NOVA1: variants seen among roughly 807,000 people sequenced by gnomAD.
NOVA1 encodes the protein NOVA alternative splicing regulator 1, also known as RNA-binding protein Nova-1.
Under a neutral mutation model 38.0 loss-of-function variants are expected in NOVA1, and 7 were observed. The ratio of observed to expected loss-of-function variants is 0.18; its 90% CI spans 0.10 to 0.35. The LOEUF (loss-of-function observed/expected upper bound fraction) is 0.35, where lower values mean the gene tolerates loss of function less well. Ranked by LOEUF, NOVA1 falls within the 10% of genes least tolerant of loss-of-function variation. NOVA1 has a pLI of 1.00. For synonymous variants in NOVA1, 270 were observed against 232.5 expected (o/e 1.16, Z -1.47); for missense variants, 460 against 616.0 (o/e 0.75, Z 2.68).
At chr14:26,574,474 CTT>C (rs1424444753) in intron 2 of NOVA1, among the ~76,000 whole-genome samples, 1 of 151,996 alleles carries the variant, frequency 6.6e-6, no homozygotes, top group African/African-American at 2.4e-5. Flanking sequence ...TTTAAAATAA[CTT>C]AATTCTGTTA....
At chr14:26,461,607 G>T (rs1222422919) in intron 4 of NOVA1, among the ~76,000 whole-genome samples, 2 of 151,750 alleles carry the variant, frequency 1.3e-5, no homozygotes, top group Admixed American at 6.6e-5. Context: ...ATAATTTTTG[G>T]CAAGAATATT....
intron 2 of NOVA1, among the ~76,000 whole-genome samples, chr14:26,504,025 C>T (rs954437904): frequency 6.6e-6 from 1 of 152,068 alleles, no homozygotes; most frequent in Non-Finnish European, 1.5e-5. Flanking sequence ...CAAAATATGA[C>T]ATTGTAAAAC....
At chr14:26,549,866 A>G (rs562832631) in intron 2 of NOVA1, 1 of 499,200 alleles carries the variant, frequency 2.0e-6, no homozygotes, top group South Asian at 1.6e-5. Flanking sequence ...TGACTCCTGT[A>G]CATACATACA....
At chr14:26,500,812 C>T (rs1224929667) in intron 2 of NOVA1, among the ~76,000 whole-genome samples, 1 of 151,770 alleles carries the variant, frequency 6.6e-6, no homozygotes, top group East Asian at 1.9e-4. Context: ...AGTATTAAAG[C>T]TCCCAAATAT....
At chr14:26,486,819 T>C (rs1280329213) in intron 2 of NOVA1, among the ~76,000 whole-genome samples, 8 of 151,928 alleles carry the variant, frequency 5.3e-5, no homozygotes, top group Admixed American at 5.2e-4. Context: ...ATTTCATTTT[T>C]CTTTATTTCC....
At chr14:26,533,395 A>C (rs1315261953) in intron 2 of NOVA1, among the ~76,000 whole-genome samples, 5 of 152,192 alleles carry the variant, frequency 3.3e-5, no homozygotes, top group African/African-American at 7.2e-5. Context: ...CCATCAGAAT[A>C]ATCTTTTAAA....
chr14:26,508,052 T>G (rs962015902), intron 2 of NOVA1, among the ~76,000 whole-genome samples: 3 of 152,068 alleles, frequency 2.0e-5, no homozygotes, highest in African/African-American at 2.4e-5. Flanking sequence ...AAAGAAACCA[T>G]GTATTATATT....
rs115103670 is a variant in NOVA1, at chr14:26,551,959, G to C, written c.280+43451C>G. On this transcript the variant is annotated intron_variant, in intron 2 of 4. Coordinates refer to ENST00000539517, the MANE Select transcript of NOVA1 (RefSeq NM_002515.3). ...AGTGTATGCTCCTCAAGACTGTGGT[G>C]ACTTAAATACTCATTTATAAAATGA... Among the ~76,000 whole-genome samples, 574 of 152,034 alleles carry C rather than the reference G, an allele frequency of 3.8e-3. 4 individuals carry two copies. The highest frequency in any genetic ancestry group is 0.013 in the African/African-American group (550 of 41,514).
At chr14:26,514,783 T>C (rs1888339635) in intron 2 of NOVA1, among the ~76,000 whole-genome samples, 1 of 151,176 alleles carries the variant, frequency 6.6e-6, no homozygotes, top group Non-Finnish European at 1.5e-5. Flanking sequence ...TGAAAATGTA[T>C]TCCTTTAATT....
Position 26,597,706 on chromosome 14 carries a change from GAAAGAA to G in NOVA1, c.-276_-271del. 8.9e-7 allele frequency: 1 copy of G among 1,122,870 alleles called. No individual in the cohort carries two copies. The highest frequency in any genetic ancestry group is 4.5e-5 in the South Asian group (1 of 22,344). The allele number at this position is 1,122,870 out of a possible 1,614,324, so 69.6% of individuals were successfully genotyped here. A position where few individuals can be genotyped will look rare whatever the true frequency, so the allele number is the denominator to read the frequency against. On this transcript the variant is annotated 5_prime_UTR_variant, in exon 1 of 5. Transcript: ENST00000539517. ...GGAGGGGGTGTGAGAGACGGAGGGTGAAAGAAGAAGAAGAAAGGAGACAGGGGGAGA... is the reference window on the plus strand; with the variant it reads ...GGAGGGGGTGTGAGAGACGGAGGGTGGAAGAAGAAAGGAGACAGGGGGAGA...
At chr14:26,593,270 AG>A (rs1270411589) in intron 2 of NOVA1, 1 of 151,860 alleles carries the variant, frequency 6.6e-6, no homozygotes, top group African/African-American at 2.4e-5. Flanking sequence ...AAAAGCGCTC[AG>A]AGGCTATGTT....
chr14:26,460,460 T>G (rs1032629305), intron 4 of NOVA1, among the ~76,000 whole-genome samples: 16 of 152,136 alleles, frequency 1.1e-4, no homozygotes, highest in East Asian at 3.9e-4. Context: ...TTTAAACTTC[T>G]GTTACTTGGC....
chr14:26,477,970 T>G (rs1054732627), intron 3 of NOVA1, among the ~76,000 whole-genome samples: 1 of 152,032 alleles, frequency 6.6e-6, no homozygotes, highest in Admixed American at 6.6e-5. Flanking sequence ...TCCTTTTAAA[T>G]GATACACTGT....
At chr14:26,493,544 C>T (rs899225485) in intron 2 of NOVA1, among the ~76,000 whole-genome samples, 1 of 152,136 alleles carries the variant, frequency 6.6e-6, no homozygotes, top group African/African-American at 2.4e-5. Context: ...CAGGTATATT[C>T]ATGCACTATC....
intron 2 of NOVA1, among the ~76,000 whole-genome samples, chr14:26,496,448 G>C (rs1267930245): frequency 6.6e-6 from 1 of 152,060 alleles, no homozygotes; most frequent in African/African-American, 2.4e-5. Context: ...TAGGTTGCCT[G>C]TTCACTCTGA....
intron 2 of NOVA1, chr14:26,594,182 T>TA (rs1321675591): frequency 6.6e-6 from 1 of 152,008 alleles, no homozygotes; most frequent in Non-Finnish European, 1.5e-5. Flanking sequence ...ACATCGTGTC[T>TA]AATATATTAC....
intron 2 of NOVA1, among the ~76,000 whole-genome samples, chr14:26,503,628 T>A (rs405797): frequency 0.63 from 96,029 of 151,814 alleles, 32,934 homozygotes; most frequent in Non-Finnish European, 0.75. Context: ...TCATTTTTTT[T>A]TAAAAATTAA....
At position 26,444,025 on chromosome 14, in the gene NOVA1, A is replaced by T. The variant is rs1445842472; in HGVS notation, c.*3934T>A. 1 of 152,100 alleles carries T rather than the reference A, an allele frequency of 6.6e-6. No individual in the cohort carries two copies. Among genetic ancestry groups the T allele is most frequent in the Non-Finnish European group, 1.5e-5 (1 of 67,980 alleles). 9.4% of individuals were successfully genotyped at this position (152,100 alleles called of 1,614,324 possible). On this transcript the variant is annotated 3_prime_UTR_variant, in exon 5 of 5. Transcript: ENST00000539517. ...CTTACAGTAAATAAAATTATTAAGT[A>T]AATAAACTTTACTTAAGGACTCAGT... is the stretch of plus-strand genomic sequence containing the variant.
chr14:26,529,923 G>A (rs1648565021), intron 2 of NOVA1, among the ~76,000 whole-genome samples: 1 of 152,032 alleles, frequency 6.6e-6, no homozygotes, highest in Non-Finnish European at 1.5e-5. Flanking sequence ...TAAACTATCT[G>A]AATCTAAAAA....
Sources: allele counts gnomAD v4.1 joint callset (sites outside exome capture counted in the v4.1 genomes callset), GRCh38; gene constraint gnomAD v4.1.1; transcripts MANE v1.5; gene names NCBI Gene and HGNC (gene_info 2026-07-23, HGNC 2026-07-21).